The following MAD1L1 variants were observed in gnomAD, a reference collection of about 807,000 sequenced individuals.
The protein encoded by MAD1L1 is mitotic spindle assembly checkpoint protein MAD1.
A neutral mutation model predicts 96.9 loss-of-function variants in MAD1L1; 95 were observed. The ratio of observed to expected loss-of-function variants is 0.98; its 90% CI spans 0.83 to 1.16. The LOEUF (loss-of-function observed/expected upper bound fraction) is 1.16, where lower values mean the gene tolerates loss of function less well. MAD1L1 is among the 50% of genes most tolerant of loss of function. The probability of loss-of-function intolerance (pLI) is 0.00; values close to 1 mark genes in which losing one functional copy is unlikely to be tolerated. For synonymous variants in MAD1L1, 473 were observed against 396.6 expected (o/e 1.19, Z -2.29); for missense variants, 1,007 against 954.4 (o/e 1.06, Z -0.73).
rs551416991 is a variant in MAD1L1 at position 2,132,538 on chromosome 7, G to C, written c.1073+16614C>G. 2.6e-4 allele frequency among the ~76,000 whole-genome samples: 40 copies of C among 152,266 alleles called. No homozygotes were observed. In the South Asian group the frequency reaches 8.3e-3, roughly 32 times the overall value. ...TAGGTTCATTCCCCAAAAATCCTCT[G>C]GGTCCGCCTGCGCATCCCTCTTGTC... On this transcript the variant is annotated intron_variant, in intron 11 of 18. Coordinates refer to ENST00000265854, the MANE Select transcript of MAD1L1 (RefSeq NM_001013836.2).
chr7:2,072,152 G>A (rs1425668372), intron 11 of MAD1L1, among the ~76,000 whole-genome samples: 1 of 152,244 alleles, frequency 6.6e-6, no homozygotes, highest in East Asian at 1.9e-4. Context: ...TGGGGACTGA[G>A]CCCTCACCCA....
At chr7:2,171,213 G>C (rs953746715) in intron 10 of MAD1L1, among the ~76,000 whole-genome samples, 2 of 152,186 alleles carry the variant, frequency 1.3e-5, no homozygotes, top group African/African-American at 4.8e-5. Flanking sequence ...CAGAGCGAAG[G>C]GCACTCTCAT....
intron 17 of MAD1L1, among the ~76,000 whole-genome samples, chr7:1,907,910 G>C (rs1787769666): frequency 1.3e-5 from 2 of 152,226 alleles, no homozygotes; most frequent in African/African-American, 4.8e-5. Flanking sequence ...CCTGAGCATG[G>C]TCCGGAGAGA....
At chr7:1,881,846 T>C (rs1208616971) in intron 18 of MAD1L1, among the ~76,000 whole-genome samples, 1 of 152,212 alleles carries the variant, frequency 6.6e-6, no homozygotes, top group African/African-American at 2.4e-5. Context: ...CACTGGCATC[T>C]TCTCCTACAT....
At chr7:2,186,296 T>C (rs1045752348) in intron 10 of MAD1L1, among the ~76,000 whole-genome samples, 12 of 152,198 alleles carry the variant, frequency 7.9e-5, no homozygotes, top group Non-Finnish European at 1.2e-4. Context: ...AAGAAAAAAT[T>C]GGCAACAACT....
chr7:1,917,610 G>C (rs1055683340), intron 17 of MAD1L1, among the ~76,000 whole-genome samples: 1 of 152,238 alleles, frequency 6.6e-6, no homozygotes, highest in African/African-American at 2.4e-5. Flanking sequence ...TGAGTTACAA[G>C]CAAAGTTTAC....
intron 10 of MAD1L1, among the ~76,000 whole-genome samples, chr7:2,193,729 C>T (rs1791840668): frequency 6.6e-6 from 1 of 152,196 alleles, no homozygotes; most frequent in South Asian, 2.1e-4. Flanking sequence ...TGCCAAGGCT[C>T]CAGCCAGAGC....
intron 12 of MAD1L1, among the ~76,000 whole-genome samples, chr7:2,032,572 G>A (rs1783276500): frequency 6.6e-6 from 1 of 152,222 alleles, no homozygotes; most frequent in Admixed American, 6.5e-5. Context: ...AGCTGGCCTT[G>A]CCTTCGTCTC....
intron 18 of MAD1L1, among the ~76,000 whole-genome samples, chr7:1,891,467 A>G (rs973038502): frequency 6.6e-6 from 1 of 152,190 alleles, no homozygotes; most frequent in Non-Finnish European, 1.5e-5. Context: ...CAGAGGTTGC[A>G]GTGAGCCGAA....
intron 12 of MAD1L1, among the ~76,000 whole-genome samples, chr7:2,028,605 G>A (rs368593236): frequency 6.6e-6 from 1 of 152,136 alleles, no homozygotes; most frequent in African/African-American, 2.4e-5. Flanking sequence ...GAGGCGGATG[G>A]CCAGGTAGAG....
At chr7:1,856,358 G>A (rs928675214) in intron 18 of MAD1L1, among the ~76,000 whole-genome samples, 8 of 152,182 alleles carry the variant, frequency 5.3e-5, no homozygotes, top group East Asian at 1.9e-4. Flanking sequence ...CCAGGTGCTC[G>A]GGGAAGAACC....
intron 11 of MAD1L1, among the ~76,000 whole-genome samples, chr7:2,109,844 A>C (rs1437320029): frequency 6.6e-6 from 1 of 152,282 alleles, no homozygotes; most frequent in East Asian, 1.9e-4. Flanking sequence ...CATATCTTAC[A>C]GGATACGCTA....
intron 14 of MAD1L1, among the ~76,000 whole-genome samples, chr7:2,000,457 G>A (rs1347701022): frequency 1.3e-5 from 2 of 152,108 alleles, no homozygotes; most frequent in Non-Finnish European, 2.9e-5. Flanking sequence ...GGCCCACAAG[G>A]TTGGACTACC....
At chr7:2,052,327 C>T (rs557446076) in intron 12 of MAD1L1, among the ~76,000 whole-genome samples, 1 of 152,226 alleles carries the variant, frequency 6.6e-6, no homozygotes, top group South Asian at 2.1e-4. Context: ...CCAGGCCTGC[C>T]GCCACCACAG....
intron 10 of MAD1L1, among the ~76,000 whole-genome samples, chr7:2,198,156 G>A (rs1429856971): frequency 6.6e-6 from 1 of 151,292 alleles, no homozygotes; most frequent in Admixed American, 6.6e-5. Context: ...GGGTCTCACA[G>A]TGTTGCCCAG....
intron 12 of MAD1L1, among the ~76,000 whole-genome samples, chr7:2,022,750 A>G (rs1782842381): frequency 6.6e-6 from 1 of 152,160 alleles, no homozygotes; most frequent in Non-Finnish European, 1.5e-5. Flanking sequence ...ATCTAAACAC[A>G]CCAATTAAAA....
intron 18 of MAD1L1, among the ~76,000 whole-genome samples, chr7:1,876,058 C>T (rs73288718): frequency 0.014 from 2,167 of 152,332 alleles, 55 homozygotes; most frequent in African/African-American, 0.049. Flanking sequence ...CACACGTTTG[C>T]GGTCTCAGCC....
intron 17 of MAD1L1, among the ~76,000 whole-genome samples, chr7:1,903,285 T>C (rs1192117662): frequency 6.6e-6 from 1 of 150,464 alleles, no homozygotes; most frequent in Non-Finnish European, 1.5e-5. Context: ...GAATTCATGA[T>C]TGATGAAGCA....
intron 15 of MAD1L1, among the ~76,000 whole-genome samples, chr7:1,970,331 CTTTTTTTTT>C (rs34240381): frequency 3.4e-5 from 4 of 116,512 alleles, no homozygotes; most frequent in South Asian, 2.8e-4. Flanking sequence ...TTAATTTTTA[CTTTTTTTTT>C]TTTTTTTTTT....
Sources: allele counts gnomAD v4.1 joint callset (sites outside exome capture counted in the v4.1 genomes callset), GRCh38; gene constraint gnomAD v4.1.1; transcripts MANE v1.5; gene names NCBI Gene and HGNC (gene_info 2026-07-23, HGNC 2026-07-21).